The following MACROD2 variants were observed in gnomAD, a reference collection of about 807,000 sequenced individuals.
MACROD2 encodes mono-ADP ribosylhydrolase 2.
A neutral mutation model predicts 70.4 loss-of-function variants in MACROD2; 36 were observed. The observed-to-expected ratio is 0.51, with a 90% CI of 0.39 to 0.68. The LOEUF (loss-of-function observed/expected upper bound fraction) is 0.68, where lower values mean the gene tolerates loss of function less well. Among genes scored for constraint, MACROD2 ranks in the 30% least tolerant of loss-of-function variants. The pLI is 0.00. For missense variants in MACROD2, 496 were observed against 538.4 expected, an observed-to-expected ratio of 0.92 and a Z score of 0.78; for synonymous variants, 172 against 178.8, an observed-to-expected ratio of 0.96 and a Z score of 0.30.
chr20:15,050,632 C>T (rs1448460907), intron 5 of MACROD2, among the ~76,000 whole-genome samples: 1 of 146,440 alleles, frequency 6.8e-6, no homozygotes, highest in East Asian at 2.0e-4. Flanking sequence ...AGCTCCGCCT[C>T]CTGGGTTCAC....
chr20:14,860,113 A>T (rs1026990702), intron 5 of MACROD2, among the ~76,000 whole-genome samples: 1 of 152,260 alleles, frequency 6.6e-6, no homozygotes, highest in East Asian at 1.9e-4. Context: ...AATAAATCTC[A>T]TAGCAGGAGG....
chr20:14,688,979 C>G (rs1445222907), intron 5 of MACROD2, among the ~76,000 whole-genome samples: 1 of 152,220 alleles, frequency 6.6e-6, no homozygotes. Flanking sequence ...AGTAAATTAA[C>G]ATTCTTAAAT....
chr20:14,006,187 CTG>C lies in MACROD2; in HGVS notation c.163+3787_163+3788del, dbSNP rs2052817202. On this transcript the variant is annotated intron_variant, in intron 2 of 17. Transcript: ENST00000684519. ...ACCATATAATCTAGGTGTGTATAGA[CTG>C]TGTACCATCTAGATTTTTGTAGTAT... 7.2e-5 allele frequency among the ~76,000 whole-genome samples: 11 copies of C among 152,258 alleles called. No homozygotes were observed. The South Asian group carries it at 2.3e-3, about 32-fold the overall frequency.
At chr20:15,170,937 A>C (rs192055117) in intron 5 of MACROD2, among the ~76,000 whole-genome samples, 1 of 152,150 alleles carries the variant, frequency 6.6e-6, no homozygotes, top group South Asian at 2.1e-4. Flanking sequence ...GCTGTTGAGC[A>C]CCAGGCAGTT....
intron 8 of MACROD2, among the ~76,000 whole-genome samples, chr20:15,714,345 A>G (rs925930775): frequency 6.6e-6 from 1 of 152,250 alleles, no homozygotes; most frequent in African/African-American, 2.4e-5. Flanking sequence ...CCTTTCCTGC[A>G]TAATTGTCTT....
intron 4 of MACROD2, among the ~76,000 whole-genome samples, chr20:14,657,896 A>T (rs919571181): frequency 2.0e-5 from 3 of 151,836 alleles, no homozygotes; most frequent in Non-Finnish European, 4.4e-5. Flanking sequence ...TGATAAGCAG[A>T]TGTCTTCTAA....
chr20:14,610,673 C>G (rs1056560480), intron 4 of MACROD2, among the ~76,000 whole-genome samples: 1 of 151,922 alleles, frequency 6.6e-6, no homozygotes, highest in South Asian at 2.1e-4. Flanking sequence ...TCTGGAAATA[C>G]AGTATGACAG....
At chr20:14,942,214 C>T (rs1349429455) in intron 5 of MACROD2, among the ~76,000 whole-genome samples, 1 of 152,038 alleles carries the variant, frequency 6.6e-6, no homozygotes, top group Non-Finnish European at 1.5e-5. Context: ...TCATTTTGTG[C>T]TTTTAAAATA....
intron 5 of MACROD2, among the ~76,000 whole-genome samples, chr20:15,073,125 T>C (rs181378129): frequency 6.6e-6 from 1 of 152,218 alleles, no homozygotes; most frequent in African/African-American, 2.4e-5. Context: ...ATGAACTTTT[T>C]AAAATTATAA....
intron 10 of MACROD2, among the ~76,000 whole-genome samples, chr20:15,927,033 T>C (rs377279283): frequency 3.2e-4 from 48 of 152,236 alleles, no homozygotes; most frequent in African/African-American, 1.1e-3. Context: ...CACTAACCAT[T>C]AACTAACTAT....
rs193236506 is a variant in MACROD2, at chr20:15,180,960, G to T, written c.419-48980G>T. Among the ~76,000 whole-genome samples the T allele has an allele frequency of 2.6e-5, 4 of 152,260 alleles. No individual in the cohort carries two copies. The East Asian group carries it at 5.8e-4, about 22-fold the overall frequency. The stretch of plus-strand genomic sequence containing the variant: ...TGTGTTACTACAGTGACTTCTTAAT[G>T]ATTTTATATGCAGTGGTCCCATTAA... On this transcript the variant is annotated intron_variant, in intron 5 of 17. Coordinates refer to ENST00000684519, the MANE Select transcript of MACROD2 (RefSeq NM_001351661.2).
intron 8 of MACROD2, among the ~76,000 whole-genome samples, chr20:15,845,437 A>G (rs2064220139): frequency 6.6e-6 from 1 of 152,146 alleles, no homozygotes; most frequent in South Asian, 2.1e-4. Context: ...TTTGGGCAGG[A>G]TGAAGATGTA....
At chr20:15,591,258 G>GT (rs936425047) in intron 8 of MACROD2, among the ~76,000 whole-genome samples, 1 of 152,186 alleles carries the variant, frequency 6.6e-6, no homozygotes, top group Non-Finnish European at 1.5e-5. Flanking sequence ...AAGTGATAGT[G>GT]TGAGTCTTGG....
intron 3 of MACROD2, among the ~76,000 whole-genome samples, chr20:14,450,236 C>T (rs1437924548): frequency 6.6e-6 from 1 of 151,930 alleles, no homozygotes; most frequent in Non-Finnish European, 1.5e-5. Flanking sequence ...TAACTGAGTC[C>T]ACCACTGCAA....
At chr20:14,375,877 T>A (rs920527610) in intron 3 of MACROD2, among the ~76,000 whole-genome samples, 5 of 152,194 alleles carry the variant, frequency 3.3e-5, no homozygotes, top group African/African-American at 1.2e-4. Flanking sequence ...GCCAGGAGAA[T>A]GGCAAATCAA....
chr20:14,873,433 T>G (rs535925144), intron 5 of MACROD2, among the ~76,000 whole-genome samples: 6 of 152,214 alleles, frequency 3.9e-5, no homozygotes, highest in Non-Finnish European at 8.8e-5. Flanking sequence ...AGGCTCTGTG[T>G]AGGCCTTTAT....
chr20:15,092,475 A>C (rs900928142), intron 5 of MACROD2, among the ~76,000 whole-genome samples: 1 of 149,750 alleles, frequency 6.7e-6, no homozygotes, highest in South Asian at 2.1e-4. Context: ...AATTATAACA[A>C]AATGTTATAA....
At chr20:15,824,555 T>C (rs368361901) in intron 8 of MACROD2, among the ~76,000 whole-genome samples, 5 of 152,208 alleles carry the variant, frequency 3.3e-5, no homozygotes, top group African/African-American at 1.2e-4. Flanking sequence ...ACTGCATGGT[T>C]ACTGCAGCCT....
At chr20:15,459,124 A>G (rs2046774121) in intron 7 of MACROD2, among the ~76,000 whole-genome samples, 1 of 152,144 alleles carries the variant, frequency 6.6e-6, no homozygotes, top group Admixed American at 6.5e-5. Context: ...TGAGGGCATA[A>G]TATCTCAAAA....
Sources: allele counts gnomAD v4.1 joint callset (sites outside exome capture counted in the v4.1 genomes callset), GRCh38; gene constraint gnomAD v4.1.1; transcripts MANE v1.5; gene names NCBI Gene and HGNC (gene_info 2026-07-23, HGNC 2026-07-21).